Variants in KMO observed in about 807,000 individuals in gnomAD.
KMO encodes kynurenine 3-monooxygenase, also known as kynurenine 3-hydroxylase.
KMO carries 24 observed loss-of-function variants against 57.8 expected under a neutral mutation model. That is an observed-to-expected ratio of 0.42 (90% CI 0.30 to 0.58). The LOEUF is 0.58. Among genes scored for constraint, KMO ranks in the 20% least tolerant of loss-of-function variants. The pLI is 0.22. For synonymous variants in KMO, 210 were observed against 193.6 expected (o/e 1.08, Z -0.70); for missense variants, 483 against 588.2 (o/e 0.82, Z 1.85).
At chr1:241,549,853 A>G (rs1396975761) in intron 3 of KMO, 79 bp downstream of exon 3, 1 of 879,458 alleles carries the variant, frequency 1.1e-6, no homozygotes, top group Non-Finnish European at 1.8e-6. Flanking sequence ...ATCCTGGCTT[A>G]AAAAGTACCA....
At chr1:241,564,751 G>A (rs1471268512) in intron 7 of KMO, among the ~76,000 whole-genome samples, 2 of 151,926 alleles carry the variant, frequency 1.3e-5, no homozygotes, top group South Asian at 2.1e-4. Context: ...ACACACGCAC[G>A]TATTCTGAAA....
intron 1 of KMO, among the ~76,000 whole-genome samples, chr1:241,544,181 G>A (rs12079784): frequency 0.048 from 7,260 of 152,202 alleles, 237 homozygotes; most frequent in African/African-American, 0.09. Context: ...GATTTTCACT[G>A]ATCACTTGTT....
intron 10 of KMO, among the ~76,000 whole-genome samples, chr1:241,582,385 T>C (rs1662786275): frequency 6.6e-6 from 1 of 152,224 alleles, no homozygotes; most frequent in African/African-American, 2.4e-5. Context: ...ATATATGTTC[T>C]CTTTAAGGCC....
chr1:241,554,669 T>A (rs931994525), intron 4 of KMO, among the ~76,000 whole-genome samples: 6 of 151,126 alleles, frequency 4.0e-5, no homozygotes, highest in Non-Finnish European at 5.9e-5. Flanking sequence ...AGTTTATTTT[T>A]AAGTCAGGAG....
At chr1:241,590,340 C>T (rs760081132) in intron 14 of KMO, 77 bp downstream of exon 14, 4 of 1,173,750 alleles carry the variant, frequency 3.4e-6, no homozygotes, top group Non-Finnish European at 5.1e-6. Flanking sequence ...TGTTTGTTTC[C>T]AACAAATACA....
chr1:241,556,697 G>C (rs1661638622), intron 5 of KMO, among the ~76,000 whole-genome samples: 1 of 152,094 alleles, frequency 6.6e-6, no homozygotes, highest in East Asian at 1.9e-4. Flanking sequence ...GGCCAATATG[G>C]TGAAACCCTG....
chr1:241,568,702 T>A (rs982430657), intron 10 of KMO, 55 bp downstream of exon 10: 7 of 1,534,616 alleles, frequency 4.6e-6, no homozygotes, highest in Non-Finnish European at 5.3e-6. Flanking sequence ...CAGTCTCAGC[T>A]AACAAGTCTT....
At chr1:241,571,666 G>A (rs1476777585) in intron 10 of KMO, among the ~76,000 whole-genome samples, 2 of 151,950 alleles carry the variant, frequency 1.3e-5, no homozygotes, top group African/African-American at 2.4e-5. Flanking sequence ...TTTTTAATGT[G>A]TTATTGAATT....
chr1:241,545,064 T>C lies in KMO; in HGVS notation c.55-3765T>C, dbSNP rs181762972. 1.4e-4 allele frequency among the ~76,000 whole-genome samples: 21 copies of C among 152,296 alleles called. No individual in the cohort carries two copies. In the East Asian group the frequency reaches 1.7e-3, roughly 13 times the overall value. Reference sequence around the variant, plus strand: ...CCCTAAAATTTAGCAGATTAAGTTATATTTAGTAGGGGCTCAATAAATTTT... The same window carrying C: ...CCCTAAAATTTAGCAGATTAAGTTACATTTAGTAGGGGCTCAATAAATTTT... On this transcript the variant is annotated intron_variant, in intron 1 of 14. Coordinates refer to ENST00000366559, the MANE Select transcript of KMO (RefSeq NM_003679.5).
chr1:241,592,552 A>G lies in KMO; in HGVS notation c.*399A>G, dbSNP rs988265254. On this transcript the variant is annotated 3_prime_UTR_variant, in exon 15 of 15. Coordinates refer to ENST00000366559, the MANE Select transcript of KMO (RefSeq NM_003679.5). ...AAAATCACAACTTAACTAGCATGTT[A>G]ACTGCACTTTTCATTACGTGAATGG... 1 of 182,218 alleles carries G rather than the reference A, an allele frequency of 5.5e-6. No homozygotes were observed. Among genetic ancestry groups the G allele is most frequent in the Non-Finnish European group, 1.1e-5 (1 of 87,756 alleles). 11.3% of individuals were successfully genotyped at this position (182,218 alleles called of 1,614,324 possible). A position where few individuals can be genotyped will look rare whatever the true frequency, so the allele number is the denominator to read the frequency against.
At chr1:241,541,037 G>A (rs1392919238) in intron 1 of KMO, among the ~76,000 whole-genome samples, 1 of 152,152 alleles carries the variant, frequency 6.6e-6, no homozygotes, top group South Asian at 2.1e-4. Context: ...TGCCTGCCTG[G>A]GTGACAGAAC....
At chr1:241,574,374 T>TCC (rs1388872721) in intron 10 of KMO, among the ~76,000 whole-genome samples, 1 of 152,108 alleles carries the variant, frequency 6.6e-6, no homozygotes, top group Non-Finnish European at 1.5e-5. Flanking sequence ...CTTCAGATTT[T>TCC]CCCCATTCAG....
intron 5 of KMO, 32 bp from the exon 6 acceptor site, chr1:241,560,633 A>C (rs892159420): frequency 6.9e-7 from 1 of 1,457,496 alleles, no homozygotes. Flanking sequence ...TTGAGATTTC[A>C]TTTCTGTTTG....
At chr1:241,586,770 C>T (rs1280241603) in intron 11 of KMO, 34 bp downstream of exon 11, 1 of 1,478,462 alleles carries the variant, frequency 6.8e-7, no homozygotes, top group Non-Finnish European at 9.3e-7. Flanking sequence ...TGGACATGTA[C>T]TAGCTCTTCT....
rs1558434946 is a variant in KMO at position 241,592,762 on chromosome 1, C to CTATT, written c.*612_*613insTTAT. On this transcript the variant is annotated 3_prime_UTR_variant, in exon 15 of 15. Coordinates refer to ENST00000366559, the MANE Select transcript of KMO (RefSeq NM_003679.5). ...ATCTATCTATCTATCTATCATCTAT[C>CTATT]TATCTATCTATCTATCTATCTATCT... is the stretch of plus-strand genomic sequence containing the variant. 1 of 146,554 alleles carries CTATT rather than the reference C, an allele frequency of 6.8e-6. No individual in the cohort carries two copies. Among genetic ancestry groups the CTATT allele is most frequent in the Admixed American group, 6.9e-5 (1 of 14,576 alleles). 9.1% of individuals were successfully genotyped at this position (146,554 alleles called of 1,614,324 possible).
intron 10 of KMO, among the ~76,000 whole-genome samples, chr1:241,579,456 A>T (rs756048334): frequency 5.7e-4 from 86 of 152,206 alleles, no homozygotes; most frequent in Middle Eastern, 3.4e-3. Flanking sequence ...TTTTCTGGCC[A>T]CTAAGGTAAC....
intron 1 of KMO, among the ~76,000 whole-genome samples, chr1:241,538,589 G>C (rs962959770): frequency 6.6e-6 from 1 of 152,164 alleles, no homozygotes; most frequent in African/African-American, 2.4e-5. Flanking sequence ...AAGCAAGCAA[G>C]GCAGGCTGTT....
rs1663326360 is a variant in KMO, at chr1:241,592,075, T to C, written c.1383T>C (p.Ala461=). The C allele has an allele frequency of 6.2e-7, 1 of 1,613,884 alleles. No homozygotes were observed. Among genetic ancestry groups the C allele is most frequent in the Admixed American group, 1.7e-5 (1 of 59,994 alleles). ...LRLRRPWNWI[A]HFRNTTCFPA... ...TGAGAAGACCATGGAACTGGATAGC[T>C]CACTTCCGGAATACAACATGTTTCC... The change falls in exon 15 of 15, where the codon GCT becomes GCC. Residue 461 remains alanine, a synonymous_variant. Coordinates refer to ENST00000366559, the MANE Select transcript of KMO (RefSeq NM_003679.5).
Position 241,586,636 on chromosome 1 carries a change from A to G in KMO, c.958-43A>G, listed in dbSNP as rs753438259. On this transcript the variant is annotated intron_variant, in intron 10 of 14. Transcript: ENST00000366559. ...AATCAATAATAAGGGTTTCTTTTTT[A>G]TTATTTCTAGTTTCTTATTTCTCTT... 1.8e-5 allele frequency: 24 copies of G among 1,302,602 alleles called. No individual in the cohort carries two copies. The Admixed American group carries it at 4.7e-4, about 25-fold the overall frequency. The allele number at this position is 1,302,602 out of a possible 1,614,324, so 80.7% of individuals were successfully genotyped here. A position where few individuals can be genotyped will look rare whatever the true frequency, so the allele number is the denominator to read the frequency against.
Sources: gnomAD v4.1 joint callset for allele counts (sites outside exome capture counted in the v4.1 genomes callset) on GRCh38, gnomAD v4.1.1 for gene constraint, MANE v1.5 for transcripts, NCBI Gene and HGNC (gene_info 2026-07-23, HGNC 2026-07-21) for gene names.